TFPI: variants seen among roughly 807,000 people sequenced by gnomAD.
TFPI encodes the protein anti-convertin.
In TFPI, 15 loss-of-function variants were observed where a neutral mutation model predicts 34.6. The ratio of observed to expected loss-of-function variants is 0.43; its 90% CI spans 0.29 to 0.67. TFPI has a LOEUF of 0.67. TFPI is among the 30% of genes least tolerant of loss of function. The pLI is 0.15. For synonymous variants in TFPI, 105 were observed against 120.1 expected (o/e 0.87, Z 0.82); for missense variants, 301 against 364.0 (o/e 0.83, Z 1.41).
chr2:187,484,331 C>T (rs1693098956), intron 5 of TFPI, 115 bp from the exon 6 acceptor site: 1 of 749,210 alleles, frequency 1.3e-6, no homozygotes, highest in African/African-American at 1.8e-5. Flanking sequence ...ATTCACATTG[C>T]TATGTTAAAT....
At chr2:187,477,542 T>G (rs1692463055) in intron 6 of TFPI, among the ~76,000 whole-genome samples, 1 of 152,146 alleles carries the variant, frequency 6.6e-6, no homozygotes, top group African/African-American at 2.4e-5. Flanking sequence ...GTGGAACTCT[T>G]TAGCCGGTGA....
intron 4 of TFPI, among the ~76,000 whole-genome samples, chr2:187,486,458 T>G (rs1396240686): frequency 6.6e-6 from 1 of 151,576 alleles, no homozygotes; most frequent in Non-Finnish European, 1.5e-5. Flanking sequence ...ATTATACATG[T>G]ACATAAATAT....
intron 2 of TFPI, 56 bp downstream of exon 2, chr2:187,503,592 G>T: frequency 6.4e-7 from 1 of 1,561,302 alleles, no homozygotes; most frequent in Non-Finnish European, 8.7e-7. Context: ...AGATTTTTTA[G>T]ATTAAAATTG....
chr2:187,525,204 G>A (rs1245858534), intron 1 of TFPI, among the ~76,000 whole-genome samples: 2 of 152,024 alleles, frequency 1.3e-5, no homozygotes, highest in Non-Finnish European at 2.9e-5. Flanking sequence ...TGCATCTTAA[G>A]AAAACTGAGG....
intron 1 of TFPI, among the ~76,000 whole-genome samples, chr2:187,536,677 G>A (rs554142895): frequency 7.2e-5 from 11 of 152,216 alleles, no homozygotes; most frequent in Admixed American, 1.3e-4. Flanking sequence ...ACTGACACAA[G>A]ACAAGGATGC....
chr2:187,480,248 G>A (rs1692742199), intron 6 of TFPI, among the ~76,000 whole-genome samples: 1 of 151,982 alleles, frequency 6.6e-6, no homozygotes, highest in Non-Finnish European at 1.5e-5. Flanking sequence ...AACTTACAAA[G>A]AAGTTGTTTA....
Position 187,532,198 on chromosome 2 carries a change from G to A in TFPI, c.-3+22002C>T, listed in dbSNP as rs529704382. ...TGTATATGTGTGATTATATTTATAT[G>A]AGCATATGTGAATGATCATTGCACA... On this transcript the variant is annotated intron_variant, in intron 1 of 7. Transcript: ENST00000233156. Among the ~76,000 whole-genome samples the A allele has an allele frequency of 5.3e-5, 8 of 152,292 alleles. No individual in the cohort carries two copies. The South Asian group carries it at 1.4e-3, about 28-fold the overall frequency.
intron 1 of TFPI, among the ~76,000 whole-genome samples, chr2:187,524,342 T>C (rs1391735712): frequency 2.0e-5 from 3 of 152,072 alleles, no homozygotes; most frequent in African/African-American, 7.2e-5. Context: ...CTTTCCAAAG[T>C]AGCTGCACCA....
At chr2:187,467,716 A>T in intron 7 of TFPI, 37 bp downstream of exon 7, 1 of 1,492,316 alleles carries the variant, frequency 6.7e-7, no homozygotes. Context: ...TGCTATCTTA[A>T]ACACTAGTCA....
intron 3 of TFPI, 103 bp from the exon 4 acceptor site, chr2:187,488,478 A>G: frequency 1.6e-6 from 1 of 634,402 alleles, no homozygotes; most frequent in Non-Finnish European, 2.5e-6. Context: ...TACCATTAAA[A>G]TTATTCTTAT....
intron 3 of TFPI, 82 bp from the exon 4 acceptor site, chr2:187,488,457 G>A: frequency 1.1e-6 from 1 of 876,990 alleles, no homozygotes; most frequent in Non-Finnish European, 1.7e-6. Context: ...AAACAAGAGT[G>A]ACATATTTAT....
At chr2:187,531,417 C>T (rs907177248) in intron 1 of TFPI, among the ~76,000 whole-genome samples, 1 of 152,008 alleles carries the variant, frequency 6.6e-6, no homozygotes, top group African/African-American at 2.4e-5. Flanking sequence ...TTATCAGCAC[C>T]TTATTGATGT....
At chr2:187,486,343 A>G (rs769485400) in intron 4 of TFPI, among the ~76,000 whole-genome samples, 2 of 151,652 alleles carry the variant, frequency 1.3e-5, no homozygotes, top group Non-Finnish European at 3.0e-5. Flanking sequence ...TGATCTGAAC[A>G]GAGGATACAA....
intron 1 of TFPI, chr2:187,517,714 T>A (rs1290769655): frequency 6.6e-6 from 1 of 152,216 alleles, no homozygotes; most frequent in Non-Finnish European, 1.5e-5. Flanking sequence ...TTCTGTCTCA[T>A]TGATCTGTCT....
chr2:187,538,282 A>C (rs1348004902), intron 1 of TFPI, among the ~76,000 whole-genome samples: 1 of 152,238 alleles, frequency 6.6e-6, no homozygotes, highest in Admixed American at 6.5e-5. Context: ...AGACATATGC[A>C]CAAGTATGTT....
At chr2:187,467,255 T>C (rs1040626132) in intron 7 of TFPI, among the ~76,000 whole-genome samples, 7 of 152,034 alleles carry the variant, frequency 4.6e-5, no homozygotes, top group Non-Finnish European at 1.0e-4. Flanking sequence ...AAGCATGCCG[T>C]TCATTTTTAT....
chr2:187,497,858 A>G (rs932158806), intron 2 of TFPI, among the ~76,000 whole-genome samples: 5 of 151,928 alleles, frequency 3.3e-5, no homozygotes, highest in Non-Finnish European at 5.9e-5. Flanking sequence ...ATGTTAAGTA[A>G]AGTCTATTTG....
intron 1 of TFPI, among the ~76,000 whole-genome samples, chr2:187,528,911 G>A (rs1687816547): frequency 6.6e-6 from 1 of 151,782 alleles, no homozygotes; most frequent in South Asian, 2.1e-4. Context: ...TGTATAGATT[G>A]AGTAGTGTGA....
rs567455342 is a variant in TFPI at position 187,477,343 on chromosome 2, T to G, written c.628+6781A>C. ...TCAGAATATGAGGCTCCAGATTTAC[T>G]ATGCAGGCATCTTTAGATTATGAGG... is the stretch of plus-strand genomic sequence containing the variant. On this transcript the variant is annotated intron_variant, in intron 6 of 7. Transcript: ENST00000233156. Among the ~76,000 whole-genome samples the G allele has an allele frequency of 1.5e-3, 225 of 152,352 alleles. 1 individual carries two copies. Among genetic ancestry groups the G allele is most frequent in the South Asian group, 2.7e-3 (13 of 4,832 alleles).
Sources: gnomAD v4.1 joint callset for allele counts (sites outside exome capture counted in the v4.1 genomes callset) on GRCh38, gnomAD v4.1.1 for gene constraint, MANE v1.5 for transcripts, NCBI Gene and HGNC (gene_info 2026-07-23, HGNC 2026-07-21) for gene names.